Variants in MYO16 observed in about 807,000 individuals in gnomAD.
MYO16 encodes myosin XVI, also known as unconventional myosin-XVI.
Under a neutral mutation model 205.3 loss-of-function variants are expected in MYO16, and 94 were observed. That is an observed-to-expected ratio of 0.46 (90% CI 0.39 to 0.54). MYO16 has a LOEUF of 0.54. Among genes scored for constraint, MYO16 ranks in the 20% least tolerant of loss-of-function variants. The probability of loss-of-function intolerance (pLI) is 0.00; values close to 1 mark genes in which losing one functional copy is unlikely to be tolerated. For missense variants in MYO16, 2,315 were observed against 2,387.5 expected (o/e 0.97, Z 0.63); for synonymous variants, 988 against 954.0 (o/e 1.04, Z -0.66).
At chr13:108,827,966 T>A (rs2139033067) in intron 9 of MYO16, among the ~76,000 whole-genome samples, 1 of 152,174 alleles carries the variant, frequency 6.6e-6, no homozygotes, top group Non-Finnish European at 1.5e-5. Flanking sequence ...GTTGCCTAAG[T>A]GGAGTAGTTC....
At position 108,980,179 on chromosome 13, in the gene MYO16, G is replaced by A. The variant is rs147578608; in HGVS notation, c.2370-12197G>A. ...TATTACAAATATTGAGAGCCACATA[G>A]TTTTAATAATAAAATGTATACGAAA... On this transcript the variant is annotated intron_variant, in intron 20 of 34. Transcript: ENST00000457511. Among the ~76,000 whole-genome samples, 887 of 152,228 alleles carry A rather than the reference G, an allele frequency of 5.8e-3. 5 individuals carry two copies. The highest frequency in any genetic ancestry group is 8.2e-3 in the Non-Finnish European group (558 of 68,004).
intron 15 of MYO16, among the ~76,000 whole-genome samples, chr13:108,908,484 T>G (rs984589423): frequency 6.6e-6 from 1 of 152,202 alleles, no homozygotes; most frequent in African/African-American, 2.4e-5. Flanking sequence ...ATTTTTGCTT[T>G]TAGTGCTGGA....
At chr13:109,016,713 A>T (rs1433555211) in intron 22 of MYO16, among the ~76,000 whole-genome samples, 1 of 151,978 alleles carries the variant, frequency 6.6e-6, no homozygotes, top group Non-Finnish European at 1.5e-5. Context: ...CCATTATGTA[A>T]TGGCCTTCTT....
chr13:108,678,620 A>T (rs899463251), intron 2 of MYO16, among the ~76,000 whole-genome samples: 3 of 152,126 alleles, frequency 2.0e-5, no homozygotes, highest in African/African-American at 7.2e-5. Flanking sequence ...TGTCATATTC[A>T]TCTACAAGCA....
Position 109,206,881 on chromosome 13 carries a change from T to G in MYO16, c.*45T>G. On this transcript the variant is annotated 3_prime_UTR_variant, in exon 35 of 35. Transcript: ENST00000457511. ...TTACAAAATAGAACTGCCTACTGAT[T>G]CCGGGCTGCAACAACAGAAGGCTGC... 1 of 1,550,296 alleles carries G rather than the reference T, an allele frequency of 6.5e-7. No homozygotes were observed. The highest frequency in any genetic ancestry group is 8.8e-7 in the Non-Finnish European group (1 of 1,133,644).
intron 16 of MYO16, among the ~76,000 whole-genome samples, chr13:108,951,862 G>A (rs1006134558): frequency 6.6e-6 from 1 of 152,082 alleles, no homozygotes; most frequent in African/African-American, 2.4e-5. Context: ...CAGCACTTTG[G>A]GAGGCTGAGG....
upstream of MYO16, among the ~76,000 whole-genome samples, chr13:108,592,238 T>G (rs1176601128): frequency 1.5e-5 from 1 of 65,460 alleles, no homozygotes; most frequent in Non-Finnish European, 2.8e-5. Context: ...GAGCTGTGTG[T>G]GTGGGAGTGT....
intron 33 of MYO16, among the ~76,000 whole-genome samples, chr13:109,176,608 C>T (rs1229501726): frequency 3.8e-5 from 2 of 52,882 alleles, no homozygotes; most frequent in African/African-American, 1.7e-4. Context: ...AAAAGACCTC[C>T]TTTGCACCTT....
chr13:108,657,890 CT>C (rs1881316695), intron 1 of MYO16, among the ~76,000 whole-genome samples: 1 of 152,108 alleles, frequency 6.6e-6, no homozygotes, highest in African/African-American at 2.4e-5. Flanking sequence ...AAAGGGCCTT[CT>C]TTTTCTAAAT....
chr13:108,559,925 A>G, the MYO16 span, among the ~76,000 whole-genome samples: 1 of 152,194 alleles, frequency 6.6e-6, no homozygotes, highest in South Asian at 2.1e-4. Flanking sequence ...CTGTATTTAA[A>G]ATTACAGCAC....
the MYO16 span, among the ~76,000 whole-genome samples, chr13:108,558,217 C>T: frequency 6.6e-6 from 1 of 152,158 alleles, no homozygotes; most frequent in Non-Finnish European, 1.5e-5. Flanking sequence ...ACAACGTATT[C>T]ACTGTGCCAA....
chr13:108,656,244 G>C (rs1429143441), intron 1 of MYO16, among the ~76,000 whole-genome samples: 1 of 152,074 alleles, frequency 6.6e-6, no homozygotes, highest in Non-Finnish European at 1.5e-5. Context: ...TACTCTCGTG[G>C]TAGGGATTAA....
the MYO16 span, among the ~76,000 whole-genome samples, chr13:108,552,783 A>C: frequency 1.3e-5 from 2 of 152,046 alleles, no homozygotes; most frequent in African/African-American, 4.8e-5. Context: ...CCAGAAATTT[A>C]CTGGATCACA....
At chr13:108,677,190 T>C (rs532301618) in intron 2 of MYO16, among the ~76,000 whole-genome samples, 2 of 152,058 alleles carry the variant, frequency 1.3e-5, no homozygotes, top group Admixed American at 6.6e-5. Flanking sequence ...AAAGGAACAG[T>C]GAGAAAGAAT....
the MYO16 span, among the ~76,000 whole-genome samples, chr13:108,581,807 C>T: frequency 2.0e-5 from 3 of 150,970 alleles, no homozygotes; most frequent in African/African-American, 7.3e-5. Context: ...ATCACTTGAA[C>T]CCAGGAGGTT....
intron 9 of MYO16, among the ~76,000 whole-genome samples, chr13:108,840,719 T>A (rs999578130): frequency 6.6e-6 from 1 of 152,116 alleles, no homozygotes; most frequent in Non-Finnish European, 1.5e-5. Context: ...TTACTTTTTG[T>A]AGAGAAGGGG....
chr13:108,992,235 T>C, intron 20 of MYO16, 141 bp from the exon 21 acceptor site: 2 of 525,272 alleles, frequency 3.8e-6, no homozygotes, highest in South Asian at 7.7e-5. Context: ...AATGAGACTC[T>C]AAAATAATTA....
chr13:109,105,342 G>A (rs921891697), intron 28 of MYO16, among the ~76,000 whole-genome samples: 1 of 152,140 alleles, frequency 6.6e-6, no homozygotes, highest in African/African-American at 2.4e-5. Context: ...GATGGTCGTG[G>A]GCGCCTGTAA....
Position 109,115,411 on chromosome 13 carries a change from G to A in MYO16, c.3439-4959G>A, listed in dbSNP as rs915869866. 5.9e-5 allele frequency among the ~76,000 whole-genome samples: 9 copies of A among 152,204 alleles called. No homozygotes were observed. In the East Asian group the frequency reaches 1.2e-3, roughly 20 times the overall value. The stretch of plus-strand genomic sequence containing the variant: ...ATAGCGATGACTGTAATTCACAGAT[G>A]GTTTACTTTTACAGGAGTCAGAATG... On this transcript the variant is annotated intron_variant, in intron 28 of 34. Coordinates refer to ENST00000457511, the MANE Select transcript of MYO16 (RefSeq NM_001198950.3).
Sources: gnomAD v4.1 joint callset for allele counts (sites outside exome capture counted in the v4.1 genomes callset) on GRCh38, gnomAD v4.1.1 for gene constraint, MANE v1.5 for transcripts, NCBI Gene and HGNC (gene_info 2026-07-23, HGNC 2026-07-21) for gene names.